The following KLHDC1 variants were observed in gnomAD, a reference collection of about 807,000 sequenced individuals.
KLHDC1 encodes the protein kelch domain-containing protein 1.
Under a neutral mutation model 68.3 loss-of-function variants are expected in KLHDC1, and 53 were observed. The ratio of observed to expected loss-of-function variants is 0.78; its 90% CI spans 0.62 to 0.98. The LOEUF is 0.98. KLHDC1 is among the 50% of genes least tolerant of loss of function. The probability of loss-of-function intolerance (pLI) is 0.00; values close to 1 mark genes in which losing one functional copy is unlikely to be tolerated. For synonymous variants in KLHDC1, 148 were observed against 159.0 expected (o/e 0.93, Z 0.52); for missense variants, 470 against 492.3 (o/e 0.95, Z 0.43).
chr14:49,694,170 AT>A (rs1887665937), intron 1 of KLHDC1, among the ~76,000 whole-genome samples: 1 of 152,226 alleles, frequency 6.6e-6, no homozygotes, highest in Non-Finnish European at 1.5e-5. Flanking sequence ...ATGCTTTAAA[AT>A]TCTTACTACA....
chr14:49,708,994 T>G (rs1158972848), intron 1 of KLHDC1, among the ~76,000 whole-genome samples, 165 bp from the exon 2 acceptor site: 1 of 152,090 alleles, frequency 6.6e-6, no homozygotes, highest in Non-Finnish European at 1.5e-5. Flanking sequence ...TTAGAAAATC[T>G]TCTTTCCTTT....
intron 10 of KLHDC1, 30 bp downstream of exon 10, chr14:49,734,691 T>G (rs1229397772): frequency 2.3e-6 from 3 of 1,279,866 alleles, no homozygotes; most frequent in Non-Finnish European, 3.4e-6. Flanking sequence ...AATAGTAAAA[T>G]AGTTAAGAAT....
chr14:49,738,708 G>A (rs1888991511), intron 10 of KLHDC1, among the ~76,000 whole-genome samples: 1 of 152,124 alleles, frequency 6.6e-6, no homozygotes, highest in Non-Finnish European at 1.5e-5. Context: ...AACACCACAT[G>A]AGGCATTTTT....
At chr14:49,715,434 T>G (rs1355583918) in intron 4 of KLHDC1, among the ~76,000 whole-genome samples, 2 of 151,506 alleles carry the variant, frequency 1.3e-5, no homozygotes, top group South Asian at 4.2e-4. Context: ...TTTATTATAT[T>G]AAGTACATAT....
intron 2 of KLHDC1, 24 bp from the exon 3 acceptor site, chr14:49,709,685 G>A (rs1219859943): frequency 1.5e-6 from 2 of 1,341,468 alleles, no homozygotes; most frequent in Admixed American, 2.2e-5. Context: ...AAAGTTATGG[G>A]ATTCCATGTT....
chr14:49,705,174 G>A (rs1386121733), intron 1 of KLHDC1, among the ~76,000 whole-genome samples: 2 of 152,058 alleles, frequency 1.3e-5, no homozygotes, highest in Non-Finnish European at 2.9e-5. Context: ...TCCTATCATA[G>A]CAAGGAACTA....
chr14:49,707,325 T>TAGACAAG (rs1359993775), intron 1 of KLHDC1, among the ~76,000 whole-genome samples: 5 of 140,480 alleles, frequency 3.6e-5, no homozygotes, highest in Non-Finnish European at 6.1e-5. Flanking sequence ...AGAGACATGG[T>TAGACAAG]AGACAAGATA....
At chr14:49,732,642 G>T in intron 8 of KLHDC1, 62 bp from the exon 9 acceptor site, 1 of 816,510 alleles carries the variant, frequency 1.2e-6, no homozygotes, top group African/African-American at 1.8e-5. Flanking sequence ...GATCTAAGAT[G>T]ATTAAAAACC....
intron 12 of KLHDC1, among the ~76,000 whole-genome samples, chr14:49,748,760 A>G (rs1430720586): frequency 6.6e-6 from 1 of 151,588 alleles, no homozygotes; most frequent in African/African-American, 2.4e-5. Context: ...TAAAAATTGT[A>G]CATGTATATA....
At position 49,732,836 on chromosome 14, in the gene KLHDC1, G is replaced by A. The variant is rs747258425; in HGVS notation, c.823+20G>A. ...CATTAAGTAAGTTGATTAAGGTTTA[G>A]CCTATAATTATTATCTCATTCTTTT... On this transcript the variant is annotated intron_variant, in intron 9 of 12. Transcript: ENST00000359332. 1.8e-6 allele frequency: 2 copies of A among 1,124,014 alleles called. No individual in the cohort carries two copies. The highest frequency in any genetic ancestry group is 1.5e-5 in the African/African-American group (1 of 64,586). 69.6% of individuals were successfully genotyped at this position (1,124,014 alleles called of 1,614,324 possible).
intron 1 of KLHDC1, among the ~76,000 whole-genome samples, chr14:49,697,608 C>G (rs1887781263): frequency 6.6e-6 from 1 of 152,168 alleles, no homozygotes; most frequent in Non-Finnish European, 1.5e-5. Flanking sequence ...ATCTGTCAAG[C>G]ACAGTAAAGC....
intron 1 of KLHDC1, chr14:49,700,136 C>G (rs909433607): frequency 8.0e-6 from 2 of 250,664 alleles, no homozygotes; most frequent in Non-Finnish European, 1.6e-5. Context: ...AACCAATTCT[C>G]CTGCCTCAGC....
intron 1 of KLHDC1, among the ~76,000 whole-genome samples, chr14:49,706,009 C>A (rs1209110078): frequency 6.6e-6 from 1 of 152,114 alleles, no homozygotes; most frequent in Non-Finnish European, 1.5e-5. Flanking sequence ...CAATTATATT[C>A]TTTTATTTTG....
At chr14:49,723,005 C>T (rs572021254) in intron 4 of KLHDC1, among the ~76,000 whole-genome samples, 5 of 145,452 alleles carry the variant, frequency 3.4e-5, no homozygotes, top group African/African-American at 1.0e-4. Context: ...GAGATTCACT[C>T]GAACCCGGGA....
At chr14:49,693,505 C>G (rs770842869) in intron 1 of KLHDC1, among the ~76,000 whole-genome samples, 2 of 151,754 alleles carry the variant, frequency 1.3e-5, no homozygotes, top group African/African-American at 4.8e-5. Flanking sequence ...GCCTCAGACC[C>G]GGCTCCGGGC....
In KLHDC1 at chr14:49,710,334, A is replaced by G; in HGVS notation, c.357A>G (p.Gln119=). 1 of 1,611,678 alleles carries G rather than the reference A, an allele frequency of 6.2e-7. No individual in the cohort carries two copies. The highest frequency in any genetic ancestry group is 1.3e-5 in the African/African-American group (1 of 74,950). The part of the protein sequence containing the change: ...IWEKITDFEG[Q]PPTPRDKLSC... ...AGAAAATCACCGACTTTGAAGGGCA[A>G]CCACCTACACCACGTGATAAACTTT... The change falls in exon 4 of 13, where the codon CAA becomes CAG. Residue 119 remains glutamine, a synonymous_variant. Transcript: ENST00000359332.
chr14:49,711,320 G>A (rs1888194757), intron 4 of KLHDC1, among the ~76,000 whole-genome samples: 2 of 152,278 alleles, frequency 1.3e-5, no homozygotes, highest in African/African-American at 2.4e-5. Flanking sequence ...TCTTGCCTCA[G>A]CCTCCCGAGT....
chr14:49,714,889 T>C (rs1888329610), intron 4 of KLHDC1, among the ~76,000 whole-genome samples: 1 of 147,672 alleles, frequency 6.8e-6, no homozygotes, highest in South Asian at 2.1e-4. Flanking sequence ...TTTACATGTA[T>C]ACTTAATATA....
At chr14:49,710,206 G>A in intron 3 of KLHDC1, 57 bp from the exon 4 acceptor site, 1 of 916,296 alleles carries the variant, frequency 1.1e-6, no homozygotes, top group Non-Finnish European at 1.8e-6. Flanking sequence ...CATTCCCTCT[G>A]ATATAGATTT....
Sources: gnomAD v4.1 joint callset for allele counts (sites outside exome capture counted in the v4.1 genomes callset) on GRCh38, gnomAD v4.1.1 for gene constraint, MANE v1.5 for transcripts, NCBI Gene and HGNC (gene_info 2026-07-23, HGNC 2026-07-21) for gene names.